Variants in OTUD7A observed in about 807,000 individuals in gnomAD.
OTUD7A encodes OTU domain-containing protein 7A.
A neutral mutation model predicts 65.7 loss-of-function variants in OTUD7A; 12 were observed. The observed-to-expected ratio is 0.18, with a 90% CI of 0.12 to 0.30. The LOEUF is 0.30. Among genes scored for constraint, OTUD7A ranks in the 10% least tolerant of loss-of-function variants. The pLI is 1.00. For synonymous variants in OTUD7A, 641 were observed against 586.3 expected, an observed-to-expected ratio of 1.09 and a Z score of -1.35; for missense variants, 1,148 against 1,304.8, an observed-to-expected ratio of 0.88 and a Z score of 1.85.
At chr15:31,739,185 C>T (rs1459795072) in intron 1 of OTUD7A, among the ~76,000 whole-genome samples, 1 of 152,204 alleles carries the variant, frequency 6.6e-6, no homozygotes, top group Non-Finnish European at 1.5e-5. Context: ...TCAAAACTCT[C>T]ATAGTACTGA....
intron 5 of OTUD7A, among the ~76,000 whole-genome samples, chr15:31,543,451 C>T (rs889066621): frequency 6.6e-6 from 1 of 151,804 alleles, no homozygotes; most frequent in African/African-American, 2.4e-5. Context: ...AAGACAAAGG[C>T]TGTGAAACTG....
chr15:31,743,896 C>A (rs536581264), intron 1 of OTUD7A, among the ~76,000 whole-genome samples: 11 of 151,736 alleles, frequency 7.2e-5, no homozygotes, highest in African/African-American at 2.7e-4. Context: ...AGCAGGAGCT[C>A]GCTTATATCA....
At chr15:31,658,009 G>A (rs1193386088) in intron 1 of OTUD7A, among the ~76,000 whole-genome samples, 1 of 152,100 alleles carries the variant, frequency 6.6e-6, no homozygotes, top group Non-Finnish European at 1.5e-5. Flanking sequence ...ATCAATGCAT[G>A]GTGACTGCCT....
intron 1 of OTUD7A, among the ~76,000 whole-genome samples, chr15:31,827,955 T>A (rs1896838727): frequency 6.6e-6 from 1 of 151,930 alleles, no homozygotes; most frequent in Admixed American, 6.6e-5. Flanking sequence ...CCACATAAAA[T>A]CAAATTATGG....
Position 31,570,083 on chromosome 15 carries a change from C to T in OTUD7A, c.266G>A (p.Arg89Gln), listed in dbSNP as rs749317299. 1.3e-5 allele frequency: 21 copies of T among 1,614,206 alleles called. No individual in the cohort carries two copies. The highest frequency in any genetic ancestry group is 1.2e-4 in the South Asian group (11 of 91,090). The change falls in exon 4 of 13, where the codon CGA (arginine) becomes CAA (glutamine). Residue 89 changes from arginine (R) to glutamine (Q), a missense_variant. Transcript: ENST00000307050. ...NEGRGPKQPE[R>Q]EPQPGHKVER... is the part of the protein sequence containing the mutation. ...CACCTTGTGCCCGGGCTGTGGCTCT[C>T]GCTCTGGCTGCTTGGGACCCCGCCC...
At chr15:31,609,881 G>A (rs564523758) in intron 3 of OTUD7A, among the ~76,000 whole-genome samples, 1 of 151,662 alleles carries the variant, frequency 6.6e-6, no homozygotes, top group South Asian at 2.1e-4. Flanking sequence ...ACCCATAGAT[G>A]CTTCACATCA....
rs369076510 is a variant in OTUD7A at position 31,609,908 on chromosome 15, C to T, written c.152-39711G>A. On this transcript the variant is annotated intron_variant, in intron 3 of 12. Transcript: ENST00000307050. ...TTCACATCACAGGACTTTGTGCAGA[C>T]AACCCCCAGTACCAGCCCAGAGCCG... Among the ~76,000 whole-genome samples the T allele has an allele frequency of 5.9e-5, 9 of 151,644 alleles. No homozygotes were observed. The East Asian group carries it at 1.7e-3, about 29-fold the overall frequency.
intron 8 of OTUD7A, among the ~76,000 whole-genome samples, chr15:31,505,120 T>C (rs2041539839): frequency 6.6e-6 from 1 of 152,238 alleles, no homozygotes; most frequent in South Asian, 2.1e-4. Context: ...GGAGATAAGG[T>C]TATTTATAAC....
At chr15:31,548,645 C>T (rs997010006) in intron 5 of OTUD7A, among the ~76,000 whole-genome samples, 1 of 152,012 alleles carries the variant, frequency 6.6e-6, no homozygotes, top group Non-Finnish European at 1.5e-5. Flanking sequence ...ATTAAAATGG[C>T]GTATAATACA....
intron 1 of OTUD7A, among the ~76,000 whole-genome samples, chr15:31,753,721 T>TATATATATTATA (rs879561188): frequency 9.4e-6 from 1 of 106,778 alleles, no homozygotes; most frequent in Admixed American, 9.2e-5. Context: ...TATATATATA[T>TATATATATTATA]TATATATATA....
intron 1 of OTUD7A, among the ~76,000 whole-genome samples, chr15:31,763,114 C>G (rs1895013047): frequency 6.6e-6 from 1 of 152,172 alleles, no homozygotes; most frequent in South Asian, 2.1e-4. Flanking sequence ...GAAACCCCAT[C>G]TCTACTAAAA....
At chr15:31,580,588 C>T (rs1889343021) in intron 3 of OTUD7A, among the ~76,000 whole-genome samples, 2 of 152,188 alleles carry the variant, frequency 1.3e-5, no homozygotes, top group Non-Finnish European at 2.9e-5. Context: ...TTAATTGACT[C>T]ACAGTTACAC....
At chr15:31,869,436 TC>T (rs1171076759) in intron 1 of OTUD7A, among the ~76,000 whole-genome samples, 1 of 152,236 alleles carries the variant, frequency 6.6e-6, no homozygotes, top group Admixed American at 6.5e-5. Flanking sequence ...GGCCCCGCTG[TC>T]AACCTTTTCC....
At chr15:31,813,946 C>A (rs1282903545) in intron 1 of OTUD7A, among the ~76,000 whole-genome samples, 1 of 152,170 alleles carries the variant, frequency 6.6e-6, no homozygotes, top group Non-Finnish European at 1.5e-5. Context: ...AGAGGAATTA[C>A]TGTAATGCCT....
chr15:31,665,628 C>T (rs1892297817), intron 1 of OTUD7A, among the ~76,000 whole-genome samples: 2 of 152,188 alleles, frequency 1.3e-5, no homozygotes, highest in South Asian at 4.1e-4. Flanking sequence ...ATGACTGCCT[C>T]TTCACTGATG....
At chr15:31,856,340 A>G (rs896606902) in intron 1 of OTUD7A, among the ~76,000 whole-genome samples, 1 of 152,196 alleles carries the variant, frequency 6.6e-6, no homozygotes, top group Non-Finnish European at 1.5e-5. Flanking sequence ...AGGGAAGAAA[A>G]TGACTCCCAT....
intron 2 of OTUD7A, among the ~76,000 whole-genome samples, chr15:31,656,359 A>G (rs1891992717): frequency 6.6e-6 from 1 of 152,204 alleles, no homozygotes; most frequent in Admixed American, 6.5e-5. Flanking sequence ...CATGGGCCAC[A>G]TGTGGTCTGC....
At chr15:31,494,344 A>G (rs938006499) in intron 10 of OTUD7A, among the ~76,000 whole-genome samples, 1 of 152,218 alleles carries the variant, frequency 6.6e-6, no homozygotes, top group Non-Finnish European at 1.5e-5. Flanking sequence ...GTGAGGACAC[A>G]GTAAAAAGTG....
At chr15:31,523,350 G>A (rs1242251673) in intron 8 of OTUD7A, among the ~76,000 whole-genome samples, 3 of 152,226 alleles carry the variant, frequency 2.0e-5, no homozygotes, top group Non-Finnish European at 4.4e-5. Flanking sequence ...CGCTGGGCTC[G>A]CTGGAGGTCC....
Sources: allele counts gnomAD v4.1 joint callset (sites outside exome capture counted in the v4.1 genomes callset), GRCh38; gene constraint gnomAD v4.1.1; transcripts MANE v1.5; gene names NCBI Gene and HGNC (gene_info 2026-07-23, HGNC 2026-07-21).